ELMO1: variants seen among roughly 807,000 people sequenced by gnomAD.
The protein encoded by ELMO1 is engulfment and cell motility 1, also known as engulfment and cell motility protein 1.
ELMO1 carries 26 observed loss-of-function variants against 98.9 expected under a neutral mutation model. The observed-to-expected ratio is 0.26, with a 90% confidence interval of 0.19 to 0.36. The LOEUF (loss-of-function observed/expected upper bound fraction) is 0.36, where lower values mean the gene tolerates loss of function less well. Ranked by LOEUF, ELMO1 falls within the 10% of genes least tolerant of loss-of-function variation. The pLI is 1.00. For synonymous variants in ELMO1, 346 were observed against 346.0 expected (o/e 1.00, Z 0.00); for missense variants, 627 against 935.2 (o/e 0.67, Z 4.30).
chr7:36,887,954 T>C (rs1197824770), intron 17 of ELMO1, among the ~76,000 whole-genome samples: 1 of 152,234 alleles, frequency 6.6e-6, no homozygotes, highest in East Asian at 1.9e-4. Context: ...TTTCTTCTTT[T>C]ATTTTACAAA....
At chr7:37,174,581 C>T (rs1415950875) in intron 13 of ELMO1, among the ~76,000 whole-genome samples, 2 of 152,128 alleles carry the variant, frequency 1.3e-5, no homozygotes. Flanking sequence ...CTCTTGTAAT[C>T]CAGCATCCAG....
chr7:37,310,724 G>A (rs1798846369), intron 4 of ELMO1, among the ~76,000 whole-genome samples: 1 of 152,058 alleles, frequency 6.6e-6, no homozygotes, highest in South Asian at 2.1e-4. Context: ...CTGAGGCAAT[G>A]GTACAGAGGG....
chr7:37,105,823 CA>C (rs911760788), intron 14 of ELMO1, among the ~76,000 whole-genome samples: 2 of 152,076 alleles, frequency 1.3e-5, no homozygotes, highest in African/African-American at 4.8e-5. Flanking sequence ...TAATAAGAGT[CA>C]AAATCCATAG....
chr7:37,101,201 G>C (rs567432969), intron 14 of ELMO1, among the ~76,000 whole-genome samples: 14 of 152,298 alleles, frequency 9.2e-5, no homozygotes, highest in African/African-American at 3.4e-4. Context: ...CAGGCAGAGA[G>C]AGAGATAAAA....
chr7:37,431,532 T>A lies in ELMO1; in HGVS notation c.-74+17143A>T, dbSNP rs548274184. 2.6e-5 allele frequency among the ~76,000 whole-genome samples: 4 copies of A among 152,234 alleles called. No individual in the cohort carries two copies. In the South Asian group the frequency reaches 8.3e-4, roughly 32 times the overall value. On this transcript the variant is annotated intron_variant, in intron 1 of 21. Transcript: ENST00000310758. ...ATATGAATCATAAAAACAGTCATGGTCCCTCAACCAATCCTCAGACTTGAG... is the reference window on the plus strand; with the variant it reads ...ATATGAATCATAAAAACAGTCATGGACCCTCAACCAATCCTCAGACTTGAG...
At chr7:37,370,824 G>C (rs1281581405) in intron 1 of ELMO1, among the ~76,000 whole-genome samples, 1 of 152,190 alleles carries the variant, frequency 6.6e-6, no homozygotes, top group Non-Finnish European at 1.5e-5. Flanking sequence ...GAGAATTAAA[G>C]TTGGCACAAC....
rs1283931052 is a variant in ELMO1 at position 37,418,364 on chromosome 7, C to T, written c.-74+30311G>A. Among the ~76,000 whole-genome samples the T allele has an allele frequency of 3.9e-5, 6 of 152,280 alleles. No homozygotes were observed. The South Asian group carries it at 8.3e-4, about 21-fold the overall frequency. On this transcript the variant is annotated intron_variant, in intron 1 of 21. Coordinates refer to ENST00000310758, the MANE Select transcript of ELMO1 (RefSeq NM_014800.11). ...TAGATCAGCTCAGGCATCTCTGCTC[C>T]CCATACCTCTACCCCTGACAGCAGC...
chr7:37,342,358 G>C lies in ELMO1; in HGVS notation c.78+255C>G, dbSNP rs1386621201. Among the ~76,000 whole-genome samples, 1 of 152,182 alleles carries C rather than the reference G, an allele frequency of 6.6e-6. No individual in the cohort carries two copies. Among genetic ancestry groups the C allele is most frequent in the South Asian group, 2.1e-4 (1 of 4,834 alleles). ...CAACTGCCCAGGGCCCGATCCACTT[G>C]TCCCTCCCACCTCCTTCCTAGCTTC... On this transcript the variant is annotated intron_variant, in intron 2 of 21. Coordinates refer to ENST00000310758, the MANE Select transcript of ELMO1 (RefSeq NM_014800.11). This position sits in a 1 kb window ranked among gnomAD's most constrained non-coding sequence, Gnocchi z 4.3.
rs75740202 is a variant in ELMO1 at position 37,064,021 on chromosome 7, T to A, written c.1300+32598A>T. ...TTGGGTCGTCTGCCGTATCCACTTGTCATAGTCCTAACTATAGAGGAGCTC... is the reference window on the plus strand; with the variant it reads ...TTGGGTCGTCTGCCGTATCCACTTGACATAGTCCTAACTATAGAGGAGCTC... On this transcript the variant is annotated intron_variant, in intron 15 of 21. Transcript: ENST00000310758. Among the ~76,000 whole-genome samples the A allele has an allele frequency of 1.7e-3, 260 of 152,272 alleles. 5 individuals are homozygous for A. Among genetic ancestry groups the A allele is most frequent in the African/African-American group, 5.9e-3 (247 of 41,564 alleles).
chr7:37,396,053 G>A (rs1190497220), intron 1 of ELMO1, among the ~76,000 whole-genome samples: 1 of 151,996 alleles, frequency 6.6e-6, no homozygotes, highest in South Asian at 2.1e-4. Context: ...TCCTTGGTGA[G>A]AATAATGTGG....
intron 1 of ELMO1, among the ~76,000 whole-genome samples, chr7:37,435,527 T>C (rs1306430902): frequency 6.6e-6 from 1 of 152,236 alleles, no homozygotes; most frequent in Admixed American, 6.5e-5. Context: ...CTTGCTTTGA[T>C]CTAGTCATAA....
At chr7:37,169,281 C>T (rs1789976529) in intron 13 of ELMO1, among the ~76,000 whole-genome samples, 1 of 152,222 alleles carries the variant, frequency 6.6e-6, no homozygotes, top group Admixed American at 6.5e-5. Context: ...CTCCCTGACC[C>T]CTTGCACTTC....
At chr7:37,353,852 G>T (rs1244951693) in intron 1 of ELMO1, among the ~76,000 whole-genome samples, 1 of 152,148 alleles carries the variant, frequency 6.6e-6, no homozygotes, top group Non-Finnish European at 1.5e-5. Flanking sequence ...AGACACAAAA[G>T]TTCTCCAAGT....
intron 16 of ELMO1, among the ~76,000 whole-genome samples, chr7:37,011,163 G>C (rs1793523099): frequency 6.6e-6 from 1 of 152,228 alleles, no homozygotes; most frequent in Non-Finnish European, 1.5e-5. Context: ...CTTAGGTCTT[G>C]CTGAAGAGAT....
chr7:37,178,015 A>G (rs185835096), intron 13 of ELMO1, among the ~76,000 whole-genome samples: 34 of 151,752 alleles, frequency 2.2e-4, no homozygotes, highest in Admixed American at 1.1e-3. Flanking sequence ...GTACATGTCA[A>G]CTTGCCTGGG....
chr7:37,031,101 T>TTCC (rs1244737858), intron 15 of ELMO1, among the ~76,000 whole-genome samples: 7 of 152,182 alleles, frequency 4.6e-5, no homozygotes, highest in Non-Finnish European at 1.0e-4. Context: ...TGACCTTGGT[T>TTCC]CAGGTGCTCA....
intron 18 of ELMO1, among the ~76,000 whole-genome samples, chr7:36,882,596 G>A (rs1804567203): frequency 6.6e-6 from 1 of 152,182 alleles, no homozygotes; most frequent in Admixed American, 6.5e-5. Context: ...AAGATGATTT[G>A]GTCTAACAGG....
intron 18 of ELMO1, among the ~76,000 whole-genome samples, chr7:36,879,022 C>G (rs1804207393): frequency 6.6e-6 from 1 of 152,232 alleles, no homozygotes; most frequent in South Asian, 2.1e-4. Flanking sequence ...CTTTGCACCA[C>G]CAGTTTGGCT....
chr7:37,110,448 G>T (rs1284588317), intron 14 of ELMO1, among the ~76,000 whole-genome samples: 1 of 152,130 alleles, frequency 6.6e-6, no homozygotes, highest in African/African-American at 2.4e-5. Flanking sequence ...TTTGCAAAAT[G>T]ATTTATTTTA....
Sources: allele counts gnomAD v4.1 joint callset (sites outside exome capture counted in the v4.1 genomes callset), GRCh38; gene constraint gnomAD v4.1.1; non-coding constraint Gnocchi (gnomAD v3.1); transcripts MANE v1.5; gene names NCBI Gene and HGNC (gene_info 2026-07-23, HGNC 2026-07-21).